The following CWC22 variants were observed in gnomAD, a reference collection of about 807,000 sequenced individuals.
CWC22 encodes pre-mRNA-splicing factor CWC22 homolog.
In CWC22, 53 loss-of-function variants were observed where a neutral mutation model predicts 117.2. The observed-to-expected ratio is 0.45, with a 90% CI of 0.36 to 0.57. The LOEUF is 0.57. Among genes scored for constraint, CWC22 ranks in the 20% least tolerant of loss-of-function variants. CWC22 has a pLI of 0.00. For synonymous variants in CWC22, 360 were observed against 355.6 expected (o/e 1.01, Z -0.14); for missense variants, 980 against 1,068.8 (o/e 0.92, Z 1.16).
intron 13 of CWC22, among the ~76,000 whole-genome samples, chr2:179,961,768 C>T (rs912915532): frequency 6.6e-6 from 1 of 151,642 alleles, no homozygotes; most frequent in African/African-American, 2.4e-5. Flanking sequence ...TATTTAATGA[C>T]CCCCCCTACA....
chr2:179,978,368 G>A (rs200107463), intron 5 of CWC22, 50 bp from the exon 6 acceptor site: 1 of 1,380,022 alleles, frequency 7.2e-7, no homozygotes, highest in Admixed American at 3.6e-5. Flanking sequence ...ACAATAATAA[G>A]AAGCTATAAG....
chr2:179,973,229 A>G lies in CWC22; in HGVS notation c.768T>C (p.Ala256=). ...TAATAAGATGCGCCACAAATTTTGAAGCAGTCAGGCAAAGTTGCTGAAAAA... is the reference window on the plus strand; with the variant it reads ...TAATAAGATGCGCCACAAATTTTGAGGCAGTCAGGCAAAGTTGCTGAAAAA... ...RRNDKQLCLT[A]SKFVAHLINQ... is the part of the protein sequence containing the mutation. The change falls in exon 8 of 20, where the codon GCT becomes GCC. Residue 256 remains alanine, a synonymous_variant. Transcript: ENST00000410053. 2.5e-6 allele frequency: 4 copies of G among 1,601,380 alleles called. No individual in the cohort carries two copies. Among genetic ancestry groups the G allele is most frequent in the Non-Finnish European group, 3.4e-6 (4 of 1,173,128 alleles).
rs913553978 is a variant in CWC22, at chr2:180,007,191, C to T, written c.-438G>A. The T allele has an allele frequency of 2.0e-5, 3 of 152,244 alleles. No individual in the cohort carries two copies. Among genetic ancestry groups the T allele is most frequent in the South Asian group, 4.1e-4 (2 of 4,832 alleles). 9.4% of individuals were successfully genotyped at this position (152,244 alleles called of 1,614,324 possible). On this transcript the variant is annotated 5_prime_UTR_variant, in exon 1 of 20. In the 5' UTR this introduces an upstream ATG that the reference lacks. Transcript: ENST00000410053. Reference sequence around the variant, plus strand: ...AACTTGACGCTCAATTGGCTTGACACGTTATCCCTTTAATTTATTTCAAAT... The same window carrying T: ...AACTTGACGCTCAATTGGCTTGACATGTTATCCCTTTAATTTATTTCAAAT...
chr2:179,961,531 T>G (rs562073077), intron 13 of CWC22, among the ~76,000 whole-genome samples: 11 of 152,204 alleles, frequency 7.2e-5, no homozygotes, highest in Non-Finnish European at 1.0e-4. Flanking sequence ...AATTGATACA[T>G]TTTAATAATA....
Position 179,993,371 on chromosome 2 carries a change from A to C in CWC22, c.-30T>G, listed in dbSNP as rs1233331373. ...TGTTGCCAGTTGGTCCAATAAATCAAAGATGCTTCAAACTGGTCCAAATAA... is the reference window on the plus strand; with the variant it reads ...TGTTGCCAGTTGGTCCAATAAATCACAGATGCTTCAAACTGGTCCAAATAA... On this transcript the variant is annotated 5_prime_UTR_variant, in exon 2 of 20. Coordinates refer to ENST00000410053, the MANE Select transcript of CWC22 (RefSeq NM_020943.3). 6.5e-7 allele frequency: 1 copy of C among 1,536,240 alleles called. No individual in the cohort carries two copies. Among genetic ancestry groups the C allele is most frequent in the South Asian group, 1.2e-5 (1 of 84,246 alleles).
intron 2 of CWC22, among the ~76,000 whole-genome samples, chr2:179,989,256 T>A (rs1240714015): frequency 6.6e-6 from 1 of 150,908 alleles, no homozygotes; most frequent in African/African-American, 2.4e-5. Flanking sequence ...TAATAATTAT[T>A]ATTATTATTA....
intron 5 of CWC22, among the ~76,000 whole-genome samples, chr2:179,979,641 C>T (rs1687238916): frequency 6.6e-6 from 1 of 152,062 alleles, no homozygotes; most frequent in African/African-American, 2.4e-5. Flanking sequence ...GGATAAAAAA[C>T]AGACTCACTT....
chr2:179,960,724 G>A (rs1444001088), intron 13 of CWC22, among the ~76,000 whole-genome samples: 1 of 151,844 alleles, frequency 6.6e-6, no homozygotes, highest in Admixed American at 6.6e-5. Context: ...TTGAACACAG[G>A]AATATTTACA....
At chr2:179,975,990 C>T (rs983013664) in intron 6 of CWC22, among the ~76,000 whole-genome samples, 2 of 152,152 alleles carry the variant, frequency 1.3e-5, no homozygotes, top group South Asian at 2.1e-4. Flanking sequence ...GCATCACACT[C>T]CCTGACCTGG....
intron 2 of CWC22, among the ~76,000 whole-genome samples, chr2:179,992,332 T>C (rs189420006): frequency 1.3e-4 from 20 of 152,152 alleles, no homozygotes; most frequent in African/African-American, 4.8e-4. Context: ...CCTGCCCTGA[T>C]CTCACCTCCT....
At chr2:179,988,000 T>G (rs12993869) in intron 3 of CWC22, among the ~76,000 whole-genome samples, 8 of 151,876 alleles carry the variant, frequency 5.3e-5, no homozygotes, top group Admixed American at 5.2e-4. Context: ...CATCAGGCAT[T>G]AGTTAGATTC....
At position 179,954,995 on chromosome 2, in the gene CWC22, G is replaced by A; in HGVS notation, c.1498C>T (p.Gln500Ter). 2 of 1,602,222 alleles carry A rather than the reference G, an allele frequency of 1.2e-6. No homozygotes were observed. Among genetic ancestry groups the A allele is most frequent in the Non-Finnish European group, 1.7e-6 (2 of 1,173,756 alleles). ...CCAAAAAATTTTTCGTATGTCCTCT[G>A]TTGGGCACAGCAATCAAGTATCATG... Reference protein sequence around the residue: ...CNMILDCCAQQRTYEKFFGLL... With the variant: ...CNMILDCCAQ The change falls in exon 15 of 20, where the codon CAG becomes TAG. Residue 500 changes from glutamine to a stop codon, truncating the protein, a stop_gained. Coordinates refer to ENST00000410053, the MANE Select transcript of CWC22 (RefSeq NM_020943.3). LOFTEE classifies it high-confidence loss of function.
chr2:179,969,165 TA>T, intron 11 of CWC22, among the ~76,000 whole-genome samples: 1 of 152,248 alleles, frequency 6.6e-6, no homozygotes, highest in South Asian at 2.1e-4. Flanking sequence ...TTCTCAAGTT[TA>T]AAAAAGAAAG....
intron 1 of CWC22, among the ~76,000 whole-genome samples, chr2:180,000,357 T>C (rs1188843518): frequency 1.3e-5 from 2 of 152,224 alleles, no homozygotes; most frequent in Admixed American, 6.5e-5. Flanking sequence ...TTCTTAAGCA[T>C]GTGGCAACTC....
At chr2:180,004,097 T>C (rs1426188287) in intron 1 of CWC22, among the ~76,000 whole-genome samples, 1 of 152,162 alleles carries the variant, frequency 6.6e-6, no homozygotes, top group Non-Finnish European at 1.5e-5. Context: ...CAAGGGAGGC[T>C]TCAAAGTTAT....
At chr2:179,983,402 T>C (rs1419389269) in intron 4 of CWC22, among the ~76,000 whole-genome samples, 1 of 152,136 alleles carries the variant, frequency 6.6e-6, no homozygotes, top group Non-Finnish European at 1.5e-5. Flanking sequence ...TTAAGGATAA[T>C]GGCCTCTAGC....
At chr2:179,982,813 T>G (rs968372854) in intron 4 of CWC22, among the ~76,000 whole-genome samples, 50 of 152,272 alleles carry the variant, frequency 3.3e-4, no homozygotes, top group African/African-American at 1.1e-3. Context: ...TTTTGCTATC[T>G]TTCCCCAGAG....
intron 8 of CWC22, among the ~76,000 whole-genome samples, chr2:179,971,469 T>TA (rs1482316073): frequency 5.9e-5 from 9 of 152,170 alleles, no homozygotes; most frequent in Admixed American, 5.9e-4. Flanking sequence ...ATATGATTTA[T>TA]AATACCCTTC....
intron 6 of CWC22, among the ~76,000 whole-genome samples, chr2:179,977,232 A>T (rs1687175363): frequency 6.6e-6 from 1 of 152,196 alleles, no homozygotes; most frequent in South Asian, 2.1e-4. Flanking sequence ...TTGGGTATAT[A>T]TACAAAGAAA....
Sources: gnomAD v4.1 joint callset for allele counts (sites outside exome capture counted in the v4.1 genomes callset) on GRCh38, gnomAD v4.1.1 for gene constraint, MANE v1.5 for transcripts, NCBI Gene and HGNC (gene_info 2026-07-23, HGNC 2026-07-21) for gene names.